IDH2: variants seen among roughly 807,000 people sequenced by gnomAD.
IDH2 encodes the protein isocitrate dehydrogenase [NADP], mitochondrial.
IDH2 carries 18 observed loss-of-function variants against 50.5 expected under a neutral mutation model. The ratio of observed to expected loss-of-function variants is 0.36; its 90% CI spans 0.25 to 0.53. The LOEUF (loss-of-function observed/expected upper bound fraction) is 0.53, where lower values mean the gene tolerates loss of function less well. IDH2 is among the 20% of genes least tolerant of loss of function. IDH2 has a pLI of 0.92. For missense variants in IDH2, 518 were observed against 610.7 expected (o/e 0.85, Z 1.60); for synonymous variants, 280 against 239.8 (o/e 1.17, Z -1.55).
chr15:90,090,446 C>G, intron 3 of IDH2, 33 bp downstream of exon 3: 1 of 1,610,398 alleles, frequency 6.2e-7, no homozygotes. Flanking sequence ...GCCTGTGACC[C>G]TCCCTGGCCC....
rs1300406123 is a variant in IDH2 at position 90,085,480 on chromosome 15, G to A, written c.968-93C>T. ...CCCTCTACAACCCAATATTGTAGCT[G>A]CCATAGTTCGTGGCTCTACTCAGCC... On this transcript the variant is annotated intron_variant, in intron 7 of 10. Transcript: ENST00000330062. This position sits in a 1 kb window ranked among gnomAD's most constrained non-coding sequence, Gnocchi z 5.5. 3 of 879,438 alleles carry A rather than the reference G, an allele frequency of 3.4e-6. No individual in the cohort carries two copies. The Admixed American group carries it at 6.0e-5, about 18-fold the overall frequency. The allele number at this position is 879,438 out of a possible 1,614,324, so 54.5% of individuals were successfully genotyped here.
chr15:90,090,677 C>T (rs1901012140), intron 2 of IDH2, 33 bp from the exon 3 acceptor site: 8 of 1,611,626 alleles, frequency 5.0e-6, no homozygotes, highest in Non-Finnish European at 5.1e-6. Flanking sequence ...AGGCGTCACC[C>T]CAGTGACTCA....
intron 1 of IDH2, 132 bp downstream of exon 1, chr15:90,102,144 G>A: frequency 2.9e-6 from 1 of 345,658 alleles, no homozygotes; most frequent in Non-Finnish European, 5.1e-6. Flanking sequence ...CTGCCCCGCG[G>A]CCCTTTGTGC....
chr15:90,093,904 GCCA>G (rs71151553), intron 1 of IDH2, among the ~76,000 whole-genome samples: 63,486 of 151,774 alleles, frequency 0.42, 15,264 homozygotes, highest in Non-Finnish European at 0.56. Flanking sequence ...ACAGGCGTGA[GCCA>G]CCACGCCTGG....
In IDH2 at chr15:90,100,563, A is replaced by G; in HGVS notation, c.115+1713T>C. The G allele has an allele frequency of 1.1e-6, 1 of 951,394 alleles. No homozygotes were observed. Among genetic ancestry groups the G allele is most frequent in the Middle Eastern group, 5.4e-4 (1 of 1,850 alleles). The allele number at this position is 951,394 out of a possible 1,614,324, so 58.9% of individuals were successfully genotyped here. On this transcript the variant is annotated intron_variant, in intron 1 of 10. Coordinates refer to ENST00000330062, the MANE Select transcript of IDH2 (RefSeq NM_002168.4). The surrounding 1 kb of genome is among the most constrained non-coding windows in gnomAD (Gnocchi z 4.1). ...CACAGAACTGGTCCGCACTGCCCCA[A>G]GCTCTAACTTACCAGAAACATCACC...
At chr15:90,087,668 G>T in intron 5 of IDH2, 93 bp from the exon 6 acceptor site, 2 of 1,464,462 alleles carry the variant, frequency 1.4e-6, no homozygotes, top group South Asian at 2.3e-5. Context: ...AGCTCTCCAG[G>T]AACGGTACCC....
chr15:90,087,703 C>T (rs900252735), intron 5 of IDH2, 128 bp from the exon 6 acceptor site: 1 of 1,018,618 alleles, frequency 9.8e-7, no homozygotes, highest in Admixed American at 1.8e-5. Flanking sequence ...CTGTTTAACA[C>T]CAGCCTCCGT....
At chr15:90,093,956 G>GA (rs1209595934) in intron 1 of IDH2, among the ~76,000 whole-genome samples, 1 of 152,132 alleles carries the variant, frequency 6.6e-6, no homozygotes, top group Non-Finnish European at 1.5e-5. Context: ...CTGAGGCTCA[G>GA]AGAGGTTAAC....
chr15:90,088,223 T>C (rs1247047754), intron 5 of IDH2, 136 bp downstream of exon 5: 10 of 1,134,602 alleles, frequency 8.8e-6, no homozygotes, highest in Non-Finnish European at 1.3e-5. Context: ...TCAGCCACCA[T>C]GCCCAGCCCT....
At chr15:90,092,709 G>A (rs974527718) in intron 1 of IDH2, among the ~76,000 whole-genome samples, 5 of 151,966 alleles carry the variant, frequency 3.3e-5, no homozygotes, top group Non-Finnish European at 7.4e-5. Context: ...CCCAAGTAGC[G>A]GGGATTTCAG....
In IDH2 at chr15:90,087,623, T is replaced by C. The variant is rs1352928448; in HGVS notation, c.679-48A>G. The C allele has an allele frequency of 4.3e-6, 7 of 1,611,236 alleles. No individual in the cohort carries two copies. The South Asian group carries it at 6.6e-5, about 15-fold the overall frequency. ...CTGGCGTGGTGCCCTAGCCTGGCGA[T>C]TGCCGGCAACCTCCCACCTCCCAGG... On this transcript the variant is annotated intron_variant, in intron 5 of 10. Coordinates refer to ENST00000330062, the MANE Select transcript of IDH2 (RefSeq NM_002168.4).
intron 5 of IDH2, among the ~76,000 whole-genome samples, chr15:90,087,783 T>A (rs916075513): frequency 6.6e-6 from 1 of 151,850 alleles, no homozygotes; most frequent in Non-Finnish European, 1.5e-5. Context: ...CACCGCCTTT[T>A]TTTTTTTTTT....
chr15:90,091,690 A>AG (rs770269421), intron 1 of IDH2, 46 bp from the exon 2 acceptor site: 4 of 1,525,412 alleles, frequency 2.6e-6, no homozygotes, highest in East Asian at 4.5e-5. Flanking sequence ...GGGAGGCTGG[A>AG]GGGGGGCCCT....
At chr15:90,091,693 G>C in intron 1 of IDH2, 49 bp from the exon 2 acceptor site, 1 of 1,512,314 alleles carries the variant, frequency 6.6e-7, no homozygotes, top group Non-Finnish European at 9.2e-7. Flanking sequence ...AGGCTGGAGG[G>C]GGGCCCTCTC....
intron 1 of IDH2, among the ~76,000 whole-genome samples, chr15:90,093,609 A>AATTT (rs71151552): frequency 0.042 from 6,314 of 150,374 alleles, 243 homozygotes; most frequent in Admixed American, 0.098. Flanking sequence ...TTAATTAATT[A>AATTT]ATTTATTTAT....
chr15:90,088,564 A>G (rs2151549442), intron 4 of IDH2, 23 bp downstream of exon 4: 1 of 1,614,132 alleles, frequency 6.2e-7, no homozygotes, highest in Non-Finnish European at 8.5e-7. Context: ...AGGTCAGTGG[A>G]TCCCCTCTCC....
At chr15:90,093,609 A>AATTTATTTATTTATTT (rs71151552) in intron 1 of IDH2, among the ~76,000 whole-genome samples, 1 of 150,332 alleles carries the variant, frequency 6.7e-6, no homozygotes, top group Non-Finnish European at 1.5e-5. Flanking sequence ...TTAATTAATT[A>AATTTATTTATTTATTT]ATTTATTTAT....
At position 90,090,507 on chromosome 15, in the gene IDH2, G is replaced by C; in HGVS notation, c.345C>G (p.Thr115=). ...QKYSVAVKCA[T]ITPDEARVEE... ...CCACACGGGCCTCATCAGGGGTGAT[G>C]GTGGCACACTTGACAGCCACACTGT... Residue 115 remains threonine, a synonymous_variant, in exon 3 of 11, where the codon ACC becomes ACG. Coordinates refer to ENST00000330062, the MANE Select transcript of IDH2 (RefSeq NM_002168.4). 6.2e-7 allele frequency: 1 copy of C among 1,613,962 alleles called. No homozygotes were observed. The highest frequency in any genetic ancestry group is 8.5e-7 in the Non-Finnish European group (1 of 1,180,036).
Position 90,084,200 on chromosome 15 carries a change from C to G in IDH2, c.*66G>C. 7.5e-7 allele frequency: 1 copy of G among 1,334,936 alleles called. No homozygotes were observed. Among genetic ancestry groups the G allele is most frequent in the Non-Finnish European group, 1.1e-6 (1 of 939,136 alleles). 82.7% of individuals were successfully genotyped at this position (1,334,936 alleles called of 1,614,324 possible). ...AGGGGCTGTGAGGCTCACCCTCTGCCGCGCTCAGGAGGACCCGCCGGCTCA... is the reference window on the plus strand; with the variant it reads ...AGGGGCTGTGAGGCTCACCCTCTGCGGCGCTCAGGAGGACCCGCCGGCTCA... On this transcript the variant is annotated 3_prime_UTR_variant, in exon 11 of 11. Transcript: ENST00000330062. The surrounding 1 kb of genome is among the most constrained non-coding windows in gnomAD (Gnocchi z 5.0).
Sources: allele counts gnomAD v4.1 joint callset (sites outside exome capture counted in the v4.1 genomes callset), GRCh38; gene constraint gnomAD v4.1.1; non-coding constraint Gnocchi (gnomAD v3.1); transcripts MANE v1.5; gene names NCBI Gene and HGNC (gene_info 2026-07-23, HGNC 2026-07-21).